The following FARS2 variants were observed in gnomAD, a reference collection of about 807,000 sequenced individuals.
FARS2 encodes phenylalanyl-tRNA synthetase 2, mitochondrial, also known as phenylalanine--tRNA ligase, mitochondrial.
Under a neutral mutation model 46.4 loss-of-function variants are expected in FARS2, and 40 were observed. That is an observed-to-expected ratio of 0.86 (90% confidence interval 0.67 to 1.12). FARS2 has a LOEUF of 1.12. FARS2 is among the 50% of genes most tolerant of loss of function. FARS2 has a pLI of 0.00. For missense variants in FARS2, 513 were observed against 567.9 expected (o/e 0.90, Z 0.98); for synonymous variants, 234 against 214.9 (o/e 1.09, Z -0.78).
At chr6:5,266,749 G>A (rs1255246174) in intron 1 of FARS2, among the ~76,000 whole-genome samples, 3 of 152,154 alleles carry the variant, frequency 2.0e-5, no homozygotes, top group Non-Finnish European at 4.4e-5. Flanking sequence ...TATTTGTAAA[G>A]CTAACCGGTT....
At chr6:5,564,145 A>T (rs1301101364) in intron 5 of FARS2, among the ~76,000 whole-genome samples, 2 of 152,226 alleles carry the variant, frequency 1.3e-5, no homozygotes, top group East Asian at 3.9e-4. Context: ...TATTTCAGTT[A>T]GAAGGTGCTA....
At position 5,686,349 on chromosome 6, in the gene FARS2, C is replaced by A. The variant is rs115671320; in HGVS notation, c.1217+73029C>A. Among the ~76,000 whole-genome samples the A allele has an allele frequency of 1.2e-3, 180 of 151,056 alleles. 2 individuals carry two copies. The South Asian group carries it at 0.015, about 12-fold the overall frequency. ...GTATATCTCCTAATGCTCTCCCCCC[C>A]CGCTGCCCACACCACGCAACAGGCC... On this transcript the variant is annotated intron_variant, in intron 6 of 6. Transcript: ENST00000274680.
At chr6:5,583,957 A>G (rs1773472475) in intron 5 of FARS2, among the ~76,000 whole-genome samples, 1 of 152,302 alleles carries the variant, frequency 6.6e-6, no homozygotes, top group Middle Eastern at 3.4e-3. Context: ...TAAAGGTTCA[A>G]TGGCTTTTTT....
intron 5 of FARS2, among the ~76,000 whole-genome samples, chr6:5,600,896 G>A (rs767198467): frequency 2.0e-5 from 3 of 152,154 alleles, no homozygotes; most frequent in Non-Finnish European, 2.9e-5. Flanking sequence ...TCCCAAATTC[G>A]TACTTTGAGA....
chr6:5,734,548 C>T (rs573343350), intron 6 of FARS2, among the ~76,000 whole-genome samples: 1 of 152,314 alleles, frequency 6.6e-6, no homozygotes, highest in South Asian at 2.1e-4. Context: ...GAATCCCTCT[C>T]TGTAGAGAGG....
chr6:5,522,534 A>T (rs895905765), intron 4 of FARS2, among the ~76,000 whole-genome samples: 2 of 152,262 alleles, frequency 1.3e-5, no homozygotes, highest in Admixed American at 1.3e-4. Flanking sequence ...ACATTTTGTT[A>T]TAGAAGTTTC....
intron 6 of FARS2, among the ~76,000 whole-genome samples, chr6:5,759,680 G>T (rs1307892193): frequency 6.6e-6 from 1 of 152,178 alleles, no homozygotes; most frequent in Non-Finnish European, 1.5e-5. Flanking sequence ...AAAACGGGTA[G>T]AGGAGTTTGA....
intron 6 of FARS2, among the ~76,000 whole-genome samples, chr6:5,668,999 G>A (rs919132731): frequency 2.0e-5 from 3 of 151,990 alleles, no homozygotes; most frequent in African/African-American, 7.3e-5. Flanking sequence ...CCCAGCCCAC[G>A]TTGAGCAAGT....
intron 1 of FARS2, among the ~76,000 whole-genome samples, chr6:5,265,159 G>A (rs901545986): frequency 1.3e-5 from 2 of 152,200 alleles, no homozygotes; most frequent in African/African-American, 4.8e-5. Context: ...TAAAGGAATA[G>A]GGAAGAGGAA....
At chr6:5,602,335 T>G (rs894039767) in intron 5 of FARS2, among the ~76,000 whole-genome samples, 1 of 152,172 alleles carries the variant, frequency 6.6e-6, no homozygotes, top group African/African-American at 2.4e-5. Context: ...GAAGAATTTT[T>G]ATTCAGTCAT....
intron 1 of FARS2, among the ~76,000 whole-genome samples, chr6:5,361,117 T>C (rs1405323145): frequency 6.6e-6 from 1 of 152,234 alleles, no homozygotes; most frequent in Non-Finnish European, 1.5e-5. Flanking sequence ...TCTCATGGTT[T>C]CTAAATATGA....
chr6:5,481,593 A>G (rs1008857031), intron 4 of FARS2, among the ~76,000 whole-genome samples: 1 of 152,212 alleles, frequency 6.6e-6, no homozygotes, highest in African/African-American at 2.4e-5. Flanking sequence ...GAAAACAACA[A>G]TTTGATGCCA....
At chr6:5,447,987 G>T (rs938469357) in intron 4 of FARS2, among the ~76,000 whole-genome samples, 1 of 152,240 alleles carries the variant, frequency 6.6e-6, no homozygotes, top group Non-Finnish European at 1.5e-5. Context: ...ATAGGCCTTT[G>T]CCAGCACAAT....
At chr6:5,396,548 C>A (rs1207041972) in intron 2 of FARS2, among the ~76,000 whole-genome samples, 2 of 152,162 alleles carry the variant, frequency 1.3e-5, no homozygotes, top group African/African-American at 4.8e-5. Flanking sequence ...GTTCCGGAAA[C>A]TTCCACTTCT....
chr6:5,531,035 G>A (rs1769794358), intron 4 of FARS2, among the ~76,000 whole-genome samples: 1 of 151,980 alleles, frequency 6.6e-6, no homozygotes, highest in Admixed American at 6.6e-5. Flanking sequence ...AGCTACTGCA[G>A]CTCCAGGCAT....
chr6:5,395,024 C>T (rs989581934), intron 2 of FARS2, among the ~76,000 whole-genome samples: 16 of 152,020 alleles, frequency 1.1e-4, no homozygotes, highest in Non-Finnish European at 2.1e-4. Context: ...TGCTCTAGTT[C>T]TCTTTTCTAG....
intron 6 of FARS2, among the ~76,000 whole-genome samples, chr6:5,622,880 G>A (rs940102548): frequency 6.6e-6 from 1 of 152,336 alleles, no homozygotes; most frequent in Admixed American, 6.5e-5. Flanking sequence ...TCAGTGGAGG[G>A]AGACTTACTA....
intron 5 of FARS2, among the ~76,000 whole-genome samples, chr6:5,554,138 C>T (rs6934050): frequency 0.7 from 106,580 of 151,992 alleles, 37,974 homozygotes; most frequent in Middle Eastern, 0.86. Flanking sequence ...TTGGATTAAC[C>T]GCTGAAACTC....
chr6:5,423,989 T>G (rs1762708130), intron 3 of FARS2, among the ~76,000 whole-genome samples: 1 of 152,320 alleles, frequency 6.6e-6, no homozygotes, highest in African/African-American at 2.4e-5. Flanking sequence ...CAGCCACATT[T>G]ACTGAGTCCA....
Sources: gnomAD v4.1 joint callset for allele counts (sites outside exome capture counted in the v4.1 genomes callset) on GRCh38, gnomAD v4.1.1 for gene constraint, MANE v1.5 for transcripts, NCBI Gene and HGNC (gene_info 2026-07-23, HGNC 2026-07-21) for gene names.